Variants in FRAS1 observed in about 807,000 individuals in gnomAD.
FRAS1 encodes the protein extracellular matrix organizing protein FRAS1.
In FRAS1, 290 loss-of-function variants were observed where a neutral mutation model predicts 435.2. The ratio of observed to expected loss-of-function variants is 0.67; its 90% CI spans 0.61 to 0.73. The LOEUF (loss-of-function observed/expected upper bound fraction) is 0.73. Among genes scored for constraint, FRAS1 ranks in the 30% least tolerant of loss-of-function variants. The pLI is 0.00. For synonymous variants in FRAS1, 1,800 were observed against 1,851.0 expected (o/e 0.97, Z 0.71); for missense variants, 4,860 against 5,001.5 (o/e 0.97, Z 0.85).
chr4:78,528,430 C>T (rs966833508), intron 70 of FRAS1, among the ~76,000 whole-genome samples: 8 of 152,156 alleles, frequency 5.3e-5, no homozygotes, highest in Non-Finnish European at 8.8e-5. Context: ...TCATCCATTC[C>T]CTTTCTGCAG....
intron 19 of FRAS1, 96 bp from the exon 20 acceptor site, chr4:78,337,578 G>A: frequency 7.3e-7 from 1 of 1,372,476 alleles, no homozygotes; most frequent in Non-Finnish European, 1.0e-6. Flanking sequence ...AGAGTTGGAG[G>A]TCTGCTTTTA....
intron 34 of FRAS1, 138 bp downstream of exon 34, chr4:78,422,138 T>G: frequency 1.2e-6 from 1 of 802,858 alleles, no homozygotes; most frequent in Non-Finnish European, 1.8e-6. Flanking sequence ...GCTTGAGACC[T>G]GTCAGCCAAT....
At chr4:78,112,398 T>G (rs1444330458) in intron 2 of FRAS1, among the ~76,000 whole-genome samples, 1 of 152,110 alleles carries the variant, frequency 6.6e-6, no homozygotes, top group Non-Finnish European at 1.5e-5. Context: ...AGTCTGTGAT[T>G]TATTTTATTA....
At chr4:78,507,964 C>T (rs1017548277) in intron 62 of FRAS1, among the ~76,000 whole-genome samples, 1 of 152,188 alleles carries the variant, frequency 6.6e-6, no homozygotes, top group African/African-American at 2.4e-5. Flanking sequence ...AGACCAAATC[C>T]TGTTGGTATC....
intron 14 of FRAS1, among the ~76,000 whole-genome samples, chr4:78,292,697 C>G (rs949308689): frequency 1.3e-5 from 2 of 152,176 alleles, no homozygotes; most frequent in Non-Finnish European, 2.9e-5. Context: ...GAGCCCTCCT[C>G]GCAAGACAGG....
rs1560735023 is a variant in FRAS1, at chr4:78,450,146, C to G, written c.6275-5C>G. On this transcript the variant is annotated splice_polypyrimidine_tract_variant and splice_region_variant and intron_variant, in intron 44 of 73. Coordinates refer to ENST00000512123, the MANE Select transcript of FRAS1 (RefSeq NM_025074.7). The stretch of plus-strand genomic sequence containing the variant: ...ATAACCTACTCTCTTCCGTTCTCTT[C>G]CAAGGGTCTGTAGCACGCATCACAG... 1 of 1,611,304 alleles carries G rather than the reference C, an allele frequency of 6.2e-7. No individual in the cohort carries two copies. The highest frequency in any genetic ancestry group is 8.5e-7 in the Non-Finnish European group (1 of 1,178,232).
intron 2 of FRAS1, among the ~76,000 whole-genome samples, chr4:78,172,437 A>G (rs1388987045): frequency 1.3e-5 from 2 of 152,182 alleles, no homozygotes; most frequent in African/African-American, 2.4e-5. Flanking sequence ...ATGAAACAGC[A>G]TAGGCTTTGT....
rs188984392 is a variant in FRAS1, at chr4:78,291,012, C to T, written c.1534+4473C>T. 3.0e-3 allele frequency among the ~76,000 whole-genome samples: 450 copies of T among 152,166 alleles called. 5 individuals are homozygous for T. The highest frequency in any genetic ancestry group is 8.1e-3 in the South Asian group (39 of 4,816). On this transcript the variant is annotated intron_variant, in intron 14 of 73. Transcript: ENST00000512123. The stretch of plus-strand genomic sequence containing the variant: ...AACTCCTGACCTCAGGTGATCCGCC[C>T]GCCTTGGCCTCCCAAAGTGCTGGGA...
rs534864892 is a variant in FRAS1, at chr4:78,449,262, C to T, written c.6275-889C>T. ...TGTAGAGGGCCCAGACAGACACTTTCGTGTGCAGTAGGATGCATCACAGAG... is the reference window on the plus strand; with the variant it reads ...TGTAGAGGGCCCAGACAGACACTTTTGTGTGCAGTAGGATGCATCACAGAG... On this transcript the variant is annotated intron_variant, in intron 44 of 73. Coordinates refer to ENST00000512123, the MANE Select transcript of FRAS1 (RefSeq NM_025074.7). Among the ~76,000 whole-genome samples the T allele has an allele frequency of 7.0e-4, 107 of 152,254 alleles. 1 individual carries two copies. In the Middle Eastern group the frequency reaches 0.024, roughly 34 times the overall value.
intron 6 of FRAS1, among the ~76,000 whole-genome samples, chr4:78,257,831 G>C (rs1169136550): frequency 1.3e-5 from 2 of 152,146 alleles, no homozygotes; most frequent in African/African-American, 4.8e-5. Context: ...TCTAACGAAG[G>C]ATGTAAATTC....
intron 2 of FRAS1, among the ~76,000 whole-genome samples, chr4:78,221,406 G>A (rs1279775687): frequency 6.6e-6 from 1 of 152,036 alleles, no homozygotes; most frequent in Non-Finnish European, 1.5e-5. Flanking sequence ...AATTACCCGA[G>A]GGTTTTTTGG....
At chr4:78,282,669 T>C in intron 11 of FRAS1, 151 bp from the exon 12 acceptor site, 2 of 758,790 alleles carry the variant, frequency 2.6e-6, no homozygotes, top group East Asian at 5.4e-5. Flanking sequence ...AGGACTCTTT[T>C]GCTATTGTTC....
chr4:78,271,428 A>T (rs1726674953), intron 9 of FRAS1, among the ~76,000 whole-genome samples: 1 of 151,076 alleles, frequency 6.6e-6, no homozygotes, highest in Non-Finnish European at 1.5e-5. Flanking sequence ...CTCGTCATTT[A>T]GCATTAGGTA....
At chr4:78,181,496 C>T in intron 2 of FRAS1, 3 of 1,611,710 alleles carry the variant, frequency 1.9e-6, no homozygotes, top group Non-Finnish European at 2.5e-6. Context: ...AGAATCAAAT[C>T]CATCTCCTCG....
intron 2 of FRAS1, among the ~76,000 whole-genome samples, chr4:78,082,325 A>G (rs1049625418): frequency 1.3e-5 from 2 of 152,190 alleles, no homozygotes; most frequent in South Asian, 4.1e-4. Flanking sequence ...TCTTTTACTG[A>G]TCACCCTATT....
chr4:78,502,841 T>G (rs144717123), intron 61 of FRAS1, among the ~76,000 whole-genome samples: 71,986 of 152,042 alleles, frequency 0.47, 17,243 homozygotes, highest in South Asian at 0.57. Flanking sequence ...ATATGATATT[T>G]GCTATGGGTT....
rs894303160 is a variant in FRAS1, at chr4:78,098,064, A to G, written c.108+32048A>G. On this transcript the variant is annotated intron_variant, in intron 2 of 73. Transcript: ENST00000512123. ...TGTTTAAGCCACTCAGCCTGTAGTA[A>G]TTCGTTATGGCAGCCCTGGCAAACA... Among the ~76,000 whole-genome samples the G allele has an allele frequency of 4.6e-5, 7 of 152,046 alleles. No individual in the cohort carries two copies. The East Asian group carries it at 5.8e-4, about 13-fold the overall frequency.
chr4:78,522,463 G>C (rs114861443), intron 68 of FRAS1, among the ~76,000 whole-genome samples, 186 bp from the exon 69 acceptor site: 2,685 of 152,260 alleles, frequency 0.018, 92 homozygotes, highest in African/African-American at 0.061. Flanking sequence ...GTAGGACGAT[G>C]GGCTAGGGTG....
chr4:78,228,963 A>C (rs1002857444), intron 2 of FRAS1, among the ~76,000 whole-genome samples: 2 of 152,202 alleles, frequency 1.3e-5, no homozygotes, highest in African/African-American at 4.8e-5. Flanking sequence ...TAAAGCTAAG[A>C]AGTAAATGAA....
Sources: allele counts gnomAD v4.1 joint callset (sites outside exome capture counted in the v4.1 genomes callset), GRCh38; gene constraint gnomAD v4.1.1; transcripts MANE v1.5; gene names NCBI Gene and HGNC (gene_info 2026-07-23, HGNC 2026-07-21).